The following ZBTB7C variants were observed in gnomAD, a reference collection of about 807,000 sequenced individuals.
ZBTB7C encodes the protein zinc finger and BTB domain-containing protein 7C.
In ZBTB7C, 8 loss-of-function variants were observed where a neutral mutation model predicts 25.7. The ratio of observed to expected loss-of-function variants is 0.31; its 90% CI spans 0.18 to 0.56. The LOEUF (loss-of-function observed/expected upper bound fraction) is 0.56. Among genes scored for constraint, ZBTB7C ranks in the 20% least tolerant of loss-of-function variants. The probability of loss-of-function intolerance (pLI) is 0.91; values close to 1 mark genes in which losing one functional copy is unlikely to be tolerated. For synonymous variants in ZBTB7C, 394 were observed against 369.0 expected, an observed-to-expected ratio of 1.07 and a Z score of -0.78; for missense variants, 824 against 855.2, an observed-to-expected ratio of 0.96 and a Z score of 0.46.
At chr18:48,227,482 C>T (rs2043135702) in intron 2 of ZBTB7C, among the ~76,000 whole-genome samples, 1 of 152,242 alleles carries the variant, frequency 6.6e-6, no homozygotes, top group Non-Finnish European at 1.5e-5. Flanking sequence ...ACGGCCTCCG[C>T]CCAACACTGT....
At chr18:48,099,138 T>C (rs900434314) in intron 3 of ZBTB7C, among the ~76,000 whole-genome samples, 7 of 152,226 alleles carry the variant, frequency 4.6e-5, no homozygotes, top group Non-Finnish European at 4.4e-5. Context: ...ATCAATAAAA[T>C]AGGATTCACA....
chr18:48,140,801 G>A lies in ZBTB7C; in HGVS notation c.-17+45133C>T, dbSNP rs530245733. ...TCCCTGTCCTTCCTGGCCCCCACCC[G>A]CGCCCCCAGCCAAACCATCCATCAG... On this transcript the variant is annotated intron_variant, in intron 3 of 4. Transcript: ENST00000590800. Among the ~76,000 whole-genome samples the A allele has an allele frequency of 2.3e-4, 35 of 152,060 alleles. No homozygotes were observed. In the South Asian group the frequency reaches 4.8e-3, roughly 21 times the overall value.
At chr18:48,277,475 C>T (rs189465898) in intron 2 of ZBTB7C, among the ~76,000 whole-genome samples, 31 of 152,346 alleles carry the variant, frequency 2.0e-4, no homozygotes, top group Admixed American at 1.2e-3. Context: ...CCTAAGCTTT[C>T]TCTAGGATTT....
intron 2 of ZBTB7C, among the ~76,000 whole-genome samples, chr18:48,281,049 T>A (rs996797719): frequency 6.6e-6 from 1 of 152,124 alleles, no homozygotes; most frequent in Non-Finnish European, 1.5e-5. Flanking sequence ...AGACGGGGTT[T>A]CGCCATGTTG....
rs143607210 is a variant in ZBTB7C, at chr18:48,402,163, G to A, written c.-304+7063C>T. On this transcript the variant is annotated intron_variant, in intron 1 of 4. Coordinates refer to ENST00000590800, the MANE Select transcript of ZBTB7C (RefSeq NM_001318841.2). ...GCAGGAAACAAAGTCCTGGGCTCCT[G>A]CAGGAGTGAAGACGTCCCCCAAACA... Among the ~76,000 whole-genome samples, 674 of 152,020 alleles carry A rather than the reference G, an allele frequency of 4.4e-3. 2 individuals carry two copies. Among genetic ancestry groups the A allele is most frequent in the Non-Finnish European group, 6.8e-3 (465 of 67,998 alleles).
chr18:48,272,278 G>A (rs1236447544), intron 2 of ZBTB7C, among the ~76,000 whole-genome samples: 1 of 152,202 alleles, frequency 6.6e-6, no homozygotes, highest in African/African-American at 2.4e-5. Flanking sequence ...TGCAGGAAGG[G>A]TGAATTTGCT....
intron 2 of ZBTB7C, among the ~76,000 whole-genome samples, chr18:48,236,214 C>T (rs1453678781): frequency 6.6e-6 from 1 of 152,202 alleles, no homozygotes; most frequent in East Asian, 1.9e-4. Flanking sequence ...TCCCATACTT[C>T]TCATCTAACT....
At chr18:48,362,620 T>C (rs953013463) in intron 1 of ZBTB7C, among the ~76,000 whole-genome samples, 1 of 152,214 alleles carries the variant, frequency 6.6e-6, no homozygotes, top group Admixed American at 6.5e-5. Context: ...GTTTATGGCA[T>C]TTTATTATAG....
intron 2 of ZBTB7C, among the ~76,000 whole-genome samples, chr18:48,258,044 A>C (rs1354976837): frequency 6.6e-6 from 1 of 152,196 alleles, no homozygotes; most frequent in East Asian, 1.9e-4. Flanking sequence ...TAGGAAAAAA[A>C]CAGAAAACAA....
At chr18:48,127,281 C>T (rs1284697039) in intron 3 of ZBTB7C, among the ~76,000 whole-genome samples, 1 of 152,202 alleles carries the variant, frequency 6.6e-6, no homozygotes, top group Non-Finnish European at 1.5e-5. Context: ...TCATCAGTCC[C>T]AGCTCAGAGC....
Position 48,029,429 on chromosome 18 carries a change from A to G in ZBTB7C, c.1691T>C (p.Leu564Pro). 3.1e-6 allele frequency: 5 copies of G among 1,588,564 alleles called. No homozygotes were observed. The South Asian group carries it at 5.7e-5, about 18-fold the overall frequency. Residue 564 changes from leucine to proline, a missense_variant, in exon 5 of 5, where the codon CTG becomes CCG. Transcript: ENST00000590800. ...TQMKLFGRAQ[L>P]EAERNAGGLL... ...GCCCCCCGCGTTCCTCTCAGCCTCC[A>G]GCTGCGCGCGCCCGAACAGCTTCAT...
At chr18:48,386,659 T>C (rs539427861) in intron 1 of ZBTB7C, among the ~76,000 whole-genome samples, 2 of 152,294 alleles carry the variant, frequency 1.3e-5, no homozygotes, top group South Asian at 2.1e-4. Flanking sequence ...GAGAATGCAA[T>C]TGGTTACGTG....
intron 2 of ZBTB7C, among the ~76,000 whole-genome samples, chr18:48,295,993 G>T (rs2045377143): frequency 6.6e-6 from 1 of 152,220 alleles, no homozygotes; most frequent in African/African-American, 2.4e-5. Flanking sequence ...CATCTCCATA[G>T]CATAAATCCC....
chr18:48,079,754 G>C (rs966492060), intron 3 of ZBTB7C, among the ~76,000 whole-genome samples: 1 of 152,234 alleles, frequency 6.6e-6, no homozygotes, highest in Non-Finnish European at 1.5e-5. Context: ...GGCTCTTGCA[G>C]TTCTGCCATT....
At chr18:48,269,896 A>G (rs1026512854) in intron 2 of ZBTB7C, among the ~76,000 whole-genome samples, 1 of 152,244 alleles carries the variant, frequency 6.6e-6, no homozygotes, top group Non-Finnish European at 1.5e-5. Context: ...ACAGGATTAA[A>G]ATAACCTAGT....
At chr18:48,412,485 T>C (rs2048388244), upstream of ZBTB7C, among the ~76,000 whole-genome samples, 1 of 152,180 alleles carries the variant, frequency 6.6e-6, no homozygotes, top group Non-Finnish European at 1.5e-5. Flanking sequence ...CGCTGGGTAG[T>C]GTCAGGGGCA....
intron 1 of ZBTB7C, among the ~76,000 whole-genome samples, chr18:48,365,852 G>A (rs2047210689): frequency 6.6e-6 from 1 of 152,208 alleles, no homozygotes. Context: ...GTGAACAGGG[G>A]CAGAAAATGG....
chr18:48,262,192 G>A (rs2044190809), intron 2 of ZBTB7C, among the ~76,000 whole-genome samples: 1 of 152,192 alleles, frequency 6.6e-6, no homozygotes, highest in Non-Finnish European at 1.5e-5. Context: ...AAAATGACCG[G>A]CTCAAGGCTG....
intron 3 of ZBTB7C, chr18:48,165,299 C>T (rs151054268): frequency 5.4e-5 from 25 of 459,730 alleles, no homozygotes; most frequent in South Asian, 1.3e-4. Context: ...CTCATGCATT[C>T]GAATCTAAGA....
Sources: gnomAD v4.1 joint callset for allele counts (sites outside exome capture counted in the v4.1 genomes callset) on GRCh38, gnomAD v4.1.1 for gene constraint, MANE v1.5 for transcripts, NCBI Gene and HGNC (gene_info 2026-07-23, HGNC 2026-07-21) for gene names.